The following HMOX2 variants were observed in gnomAD, a reference collection of about 807,000 sequenced individuals.
HMOX2 encodes the protein heme oxygenase (decycling) 2.
In HMOX2, 30 loss-of-function variants were observed where a neutral mutation model predicts 33.7. The observed-to-expected ratio is 0.89, with a 90% CI of 0.67 to 1.21. HMOX2 has a LOEUF of 1.21. Among genes scored for constraint, HMOX2 ranks in the 50% most tolerant of loss-of-function variants. The pLI is 0.00. For missense variants in HMOX2, 403 were observed against 399.1 expected, an observed-to-expected ratio of 1.01 and a Z score of -0.08; for synonymous variants, 155 against 155.0, an observed-to-expected ratio of 1.00 and a Z score of 0.00.
intron 1 of HMOX2, among the ~76,000 whole-genome samples, chr16:4,497,066 C>G (rs1244418725): frequency 6.6e-6 from 1 of 152,150 alleles, no homozygotes; most frequent in Non-Finnish European, 1.5e-5. Context: ...ATGGCACTCT[C>G]AGGTTTCCCA....
chr16:4,484,156 A>G (rs2141527937), intron 1 of HMOX2, among the ~76,000 whole-genome samples: 1 of 151,496 alleles, frequency 6.6e-6, no homozygotes. Flanking sequence ...TTGTATTTTT[A>G]GTAGAGACGG....
intron 1 of HMOX2, among the ~76,000 whole-genome samples, chr16:4,493,131 T>C (rs1407184477): frequency 6.6e-6 from 1 of 152,156 alleles, no homozygotes; most frequent in East Asian, 1.9e-4. Flanking sequence ...CCTCCTAGGC[T>C]CAAGTGATCT....
intron 1 of HMOX2, among the ~76,000 whole-genome samples, chr16:4,480,635 C>T (rs898531959): frequency 2.6e-4 from 38 of 148,934 alleles, no homozygotes; most frequent in Admixed American, 2.2e-3. Flanking sequence ...CGACCGTGCC[C>T]GGCTAAGGGC....
chr16:4,508,758 A>T (rs534784940), intron 4 of HMOX2, among the ~76,000 whole-genome samples: 29 of 152,198 alleles, frequency 1.9e-4, no homozygotes, highest in African/African-American at 7.0e-4. Context: ...TTGCTTCTTG[A>T]TAAAAAAATA....
intron 1 of HMOX2, among the ~76,000 whole-genome samples, chr16:4,493,809 A>T (rs1269225166): frequency 6.6e-6 from 1 of 152,262 alleles, no homozygotes; most frequent in Non-Finnish European, 1.5e-5. Flanking sequence ...TATGCCTGCT[A>T]TTACACTTGT....
Position 4,507,929 on chromosome 16 carries a change from A to G in HMOX2, c.421A>G (p.Ile141Val). 1.2e-6 allele frequency: 2 copies of G among 1,613,938 alleles called. No homozygotes were observed. Among genetic ancestry groups the G allele is most frequent in the South Asian group, 1.1e-5 (1 of 91,082 alleles). The change falls in exon 4 of 6, where the codon ATA (isoleucine) becomes GTA (valine). Residue 141 changes from isoleucine (I) to valine (V), a missense_variant. By Grantham distance (29) the Ile-to-Val change is conservative (BLOSUM62 3). Coordinates refer to ENST00000570646, the MANE Select transcript of HMOX2 (RefSeq NM_002134.4). ...GAAGTACGTGGAGCGGATCCACTAC[A>G]TAGGGCAGAACGAGCCGGAGCTACT... ...AQKYVERIHY[I>V]GQNEPELLVA...
At chr16:4,477,306 C>T (rs2057884150) in intron 1 of HMOX2, among the ~76,000 whole-genome samples, 1 of 151,650 alleles carries the variant, frequency 6.6e-6, no homozygotes, top group Admixed American at 6.6e-5. Flanking sequence ...CGAGACCAGC[C>T]TGGCCAACAT....
At chr16:4,507,276 C>G (rs1178065355) in intron 3 of HMOX2, among the ~76,000 whole-genome samples, 1 of 152,012 alleles carries the variant, frequency 6.6e-6, no homozygotes, top group African/African-American at 2.4e-5. Context: ...GAAACCCTGT[C>G]TCTACTAAGA....
chr16:4,499,967 C>G (rs2058517413), intron 1 of HMOX2, among the ~76,000 whole-genome samples: 1 of 152,182 alleles, frequency 6.6e-6, no homozygotes, highest in Non-Finnish European at 1.5e-5. Context: ...CACAAATCCT[C>G]TATTTAACTG....
chr16:4,509,714 T>G lies in HMOX2; in HGVS notation c.909T>G (p.Gly303=). Residue 303 remains glycine, a synonymous_variant, in exon 6 of 6, where the codon GGT becomes GGG. Coordinates refer to ENST00000570646, the MANE Select transcript of HMOX2 (RefSeq NM_002134.4). ...KPSLQFILAA[G]VALAAGLLAW... is the part of the protein sequence containing the mutation. ...GCCTCCAGTTCATCCTGGCCGCTGGTGTGGCCCTAGCTGCTGGACTCTTGG... is the reference window on the plus strand; with the variant it reads ...GCCTCCAGTTCATCCTGGCCGCTGGGGTGGCCCTAGCTGCTGGACTCTTGG... The G allele has an allele frequency of 3.1e-6, 5 of 1,613,920 alleles. No homozygotes were observed. The highest frequency in any genetic ancestry group is 4.2e-6 in the Non-Finnish European group (5 of 1,179,958).
chr16:4,503,324 G>A (rs1241913498), intron 1 of HMOX2, among the ~76,000 whole-genome samples: 1 of 152,046 alleles, frequency 6.6e-6, no homozygotes, highest in East Asian at 1.9e-4. Flanking sequence ...CCCTCCCCCA[G>A]CCCTGCCCCA....
At chr16:4,502,583 C>G (rs2058584935) in intron 1 of HMOX2, among the ~76,000 whole-genome samples, 1 of 152,144 alleles carries the variant, frequency 6.6e-6, no homozygotes, top group African/African-American at 2.4e-5. Context: ...CTGCACCCCT[C>G]CCTCCTCTAG....
intron 1 of HMOX2, among the ~76,000 whole-genome samples, chr16:4,495,309 T>G (rs2058392572): frequency 6.6e-6 from 1 of 152,194 alleles, no homozygotes; most frequent in Non-Finnish European, 1.5e-5. Flanking sequence ...CAGGGCCTGC[T>G]GGTAGTGCTG....
rs372355416 is a variant in HMOX2 at position 4,489,581 on chromosome 16, C to T, written c.-42+13094C>T. Among the ~76,000 whole-genome samples, 63 of 152,306 alleles carry T rather than the reference C, an allele frequency of 4.1e-4. No individual in the cohort carries two copies. The East Asian group carries it at 0.011, about 27-fold the overall frequency. On this transcript the variant is annotated intron_variant, in intron 1 of 5. Coordinates refer to ENST00000570646, the MANE Select transcript of HMOX2 (RefSeq NM_002134.4). The stretch of plus-strand genomic sequence containing the variant: ...TCAAGTGATACTCCTACCTCAGCCT[C>T]CCAGGTAGCTGGGACTACAGGCATG...
At chr16:4,507,455 A>C (rs2058722957) in intron 3 of HMOX2, among the ~76,000 whole-genome samples, 1 of 152,170 alleles carries the variant, frequency 6.6e-6, no homozygotes, top group African/African-American at 2.4e-5. Context: ...CCGCCAAAAA[A>C]AAAAAAAATT....
chr16:4,493,229 T>A (rs1225926745), intron 1 of HMOX2, among the ~76,000 whole-genome samples: 1 of 151,990 alleles, frequency 6.6e-6, no homozygotes, highest in Non-Finnish European at 1.5e-5. Flanking sequence ...TCAAAAAAAT[T>A]TTTTTTTGTA....
At chr16:4,499,452 A>C (rs2058504852) in intron 1 of HMOX2, among the ~76,000 whole-genome samples, 1 of 152,170 alleles carries the variant, frequency 6.6e-6, no homozygotes, top group African/African-American at 2.4e-5. Context: ...TGAAATCTGA[A>C]AAAGTCAGTT....
At chr16:4,487,073 A>G (rs987766257) in intron 1 of HMOX2, among the ~76,000 whole-genome samples, 4 of 152,160 alleles carry the variant, frequency 2.6e-5, no homozygotes, top group African/African-American at 9.7e-5. Flanking sequence ...CCTGGGCAAC[A>G]TAGTGAGACC....
At chr16:4,505,117 G>A (rs2058658159) in intron 1 of HMOX2, among the ~76,000 whole-genome samples, 1 of 152,128 alleles carries the variant, frequency 6.6e-6, no homozygotes, top group Non-Finnish European at 1.5e-5. Flanking sequence ...ATATGCACAT[G>A]CACACACACT....
Sources: allele counts gnomAD v4.1 joint callset (sites outside exome capture counted in the v4.1 genomes callset), GRCh38; gene constraint gnomAD v4.1.1; transcripts MANE v1.5; gene names NCBI Gene and HGNC (gene_info 2026-07-23, HGNC 2026-07-21).